The following EPHA3 variants were observed in gnomAD, a reference collection of about 807,000 sequenced individuals.
The protein encoded by EPHA3 is EPH receptor A3, also known as ephrin type-A receptor 3.
In EPHA3, 42 loss-of-function variants were observed where a neutral mutation model predicts 107.1. That is an observed-to-expected ratio of 0.39 (90% CI 0.31 to 0.51). EPHA3 has a LOEUF of 0.51. Among genes scored for constraint, EPHA3 ranks in the 20% least tolerant of loss-of-function variants. The pLI, the probability that EPHA3 is intolerant of heterozygous loss-of-function variation, is 0.78. For synonymous variants in EPHA3, 461 were observed against 424.8 expected, an observed-to-expected ratio of 1.09 and a Z score of -1.05; for missense variants, 1,183 against 1,211.2, an observed-to-expected ratio of 0.98 and a Z score of 0.35.
chr3:89,278,480 C>G (rs1705863836), intron 3 of EPHA3, among the ~76,000 whole-genome samples: 1 of 152,148 alleles, frequency 6.6e-6, no homozygotes, highest in Non-Finnish European at 1.5e-5. Flanking sequence ...CGTTGCTAAA[C>G]AATCCAGTGT....
chr3:89,437,047 G>A (rs1709685968), intron 13 of EPHA3, among the ~76,000 whole-genome samples: 1 of 152,090 alleles, frequency 6.6e-6, no homozygotes, highest in Non-Finnish European at 1.5e-5. Context: ...CTCATGGGAT[G>A]TTCAGAATGA....
chr3:89,197,493 G>A (rs943217370), intron 2 of EPHA3, among the ~76,000 whole-genome samples: 1 of 151,746 alleles, frequency 6.6e-6, no homozygotes, highest in African/African-American at 2.4e-5. Flanking sequence ...ATCTCTTGAC[G>A]TGTTATGCAG....
chr3:89,219,686 A>ATGTGTTTTTTTTT (rs746458955), intron 3 of EPHA3, among the ~76,000 whole-genome samples: 2 of 38,812 alleles, frequency 5.2e-5, no homozygotes, highest in Admixed American at 4.7e-4. Context: ...GCATTTGGCA[A>ATGTGTTTTTTTTT]TGTTTTTTTT....
At chr3:89,312,101 A>G (rs1327490178) in intron 3 of EPHA3, among the ~76,000 whole-genome samples, 2 of 152,080 alleles carry the variant, frequency 1.3e-5, no homozygotes, top group East Asian at 1.9e-4. Context: ...TTCTATGGTC[A>G]GCACATTACT....
intron 16 of EPHA3, among the ~76,000 whole-genome samples, chr3:89,477,884 AG>A (rs1710548895): frequency 6.6e-6 from 1 of 152,190 alleles, no homozygotes; most frequent in African/African-American, 2.4e-5. Context: ...GGAGTAAGAT[AG>A]GGAATAAAGA....
chr3:89,322,103 C>A (rs936380131), intron 3 of EPHA3, among the ~76,000 whole-genome samples: 8 of 151,680 alleles, frequency 5.3e-5, no homozygotes, highest in Non-Finnish European at 7.4e-5. Context: ...CACACACACA[C>A]AAACACACAC....
intron 3 of EPHA3, among the ~76,000 whole-genome samples, chr3:89,333,905 C>A (rs567931121): frequency 2.6e-5 from 4 of 152,110 alleles, no homozygotes; most frequent in Admixed American, 6.6e-5. Context: ...AAAAACCTCA[C>A]TGCAGACTAA....
chr3:89,236,593 A>G (rs1263797363), intron 3 of EPHA3, among the ~76,000 whole-genome samples: 4 of 85,940 alleles, frequency 4.7e-5, no homozygotes, highest in East Asian at 4.3e-4. Flanking sequence ...GGGTGGGGGG[A>G]GGGGGGAGGG....
In EPHA3 at chr3:89,399,060, G is replaced by T. The variant is rs146907675; in HGVS notation, c.1432-258G>T. On this transcript the variant is annotated intron_variant, in intron 6 of 16. Transcript: ENST00000336596. ...CAGGAAAATCGTTTGAACCCAGGAG[G>T]CAGAGGTTTCAGTGAGCTGAGATCG... is the stretch of plus-strand genomic sequence containing the variant. 3.6e-3 allele frequency among the ~76,000 whole-genome samples: 549 copies of T among 152,006 alleles called. 4 individuals are homozygous for T. The highest frequency in any genetic ancestry group is 0.012 in the African/African-American group (514 of 41,430).
chr3:89,150,701 G>T (rs1294229505), intron 2 of EPHA3, among the ~76,000 whole-genome samples: 2 of 152,042 alleles, frequency 1.3e-5, no homozygotes, highest in Non-Finnish European at 2.9e-5. Flanking sequence ...TTTTTCCATA[G>T]CATTAATTCC....
rs145218228 is a variant in EPHA3, at chr3:89,221,070, T to C, written c.814+10550T>C. Among the ~76,000 whole-genome samples, 23 of 152,296 alleles carry C rather than the reference T, an allele frequency of 1.5e-4. No homozygotes were observed. In the East Asian group the frequency reaches 4.5e-3, roughly 29 times the overall value. ...GAATTTGAATGGTAAAACTGGAATT[T>C]GAAAGTGGAACAGATCGCTTGTGTG... On this transcript the variant is annotated intron_variant, in intron 3 of 16. Coordinates refer to ENST00000336596, the MANE Select transcript of EPHA3 (RefSeq NM_005233.6).
intron 3 of EPHA3, among the ~76,000 whole-genome samples, chr3:89,340,701 T>TTG (rs1707498603): frequency 6.6e-6 from 1 of 152,220 alleles, no homozygotes; most frequent in Non-Finnish European, 1.5e-5. Context: ...AATCTAAATC[T>TTG]TGTGTGTGTG....
At chr3:89,426,510 T>A (rs1709459927) in intron 11 of EPHA3, among the ~76,000 whole-genome samples, 1 of 151,834 alleles carries the variant, frequency 6.6e-6, no homozygotes, top group Non-Finnish European at 1.5e-5. Context: ...AATACCTGAA[T>A]TCTAGAGTTA....
At position 89,281,185 on chromosome 3, in the gene EPHA3, G is replaced by A. The variant is rs540046432; in HGVS notation, c.815-59731G>A. Among the ~76,000 whole-genome samples the A allele has an allele frequency of 1.4e-3, 214 of 152,070 alleles. 1 individual carries two copies. Among genetic ancestry groups the A allele is most frequent in the African/African-American group, 4.5e-3 (188 of 41,496 alleles). On this transcript the variant is annotated intron_variant, in intron 3 of 16. Transcript: ENST00000336596. The stretch of plus-strand genomic sequence containing the variant: ...ACTACAGGCCCACGCCGCCACGCCC[G>A]GCTAATTTCTTTTGTGTTTTAGTAG...
At chr3:89,329,280 GC>G (rs1707239264) in intron 3 of EPHA3, among the ~76,000 whole-genome samples, 1 of 151,284 alleles carries the variant, frequency 6.6e-6, no homozygotes, top group African/African-American at 2.4e-5. Context: ...TCCCCGCTCC[GC>G]CCCCACCATC....
chr3:89,299,092 C>A (rs1229725437), intron 3 of EPHA3, among the ~76,000 whole-genome samples: 1 of 152,006 alleles, frequency 6.6e-6, no homozygotes, highest in Non-Finnish European at 1.5e-5. Context: ...ATGTAAATAT[C>A]AGATTTTAGA....
intron 3 of EPHA3, among the ~76,000 whole-genome samples, chr3:89,273,640 C>T (rs1174735646): frequency 3.3e-5 from 5 of 151,840 alleles, no homozygotes; most frequent in Non-Finnish European, 7.4e-5. Context: ...TGAATTGCTG[C>T]TCCTAGGGGA....
intron 3 of EPHA3, among the ~76,000 whole-genome samples, chr3:89,230,681 A>G (rs1704607430): frequency 6.6e-6 from 1 of 151,996 alleles, no homozygotes; most frequent in Non-Finnish European, 1.5e-5. Context: ...TCAAGGTGCT[A>G]TTTTTATAAA....
chr3:89,298,421 C>A (rs910640602), intron 3 of EPHA3, among the ~76,000 whole-genome samples: 14 of 152,150 alleles, frequency 9.2e-5, no homozygotes, highest in Non-Finnish European at 1.9e-4. Flanking sequence ...CCTAGAAATT[C>A]TTACAGCAGT....
Sources: gnomAD v4.1 joint callset for allele counts (sites outside exome capture counted in the v4.1 genomes callset) on GRCh38, gnomAD v4.1.1 for gene constraint, MANE v1.5 for transcripts, NCBI Gene and HGNC (gene_info 2026-07-23, HGNC 2026-07-21) for gene names.